The following PDE7B variants were observed in gnomAD, a reference collection of about 807,000 sequenced individuals.
PDE7B encodes 3',5'-cyclic-AMP phosphodiesterase 7B.
In PDE7B, 29 loss-of-function variants were observed where a neutral mutation model predicts 56.2. The ratio of observed to expected loss-of-function variants is 0.52; its 90% CI spans 0.38 to 0.70. PDE7B has a LOEUF of 0.70. Ranked by LOEUF, PDE7B falls within the 30% of genes least tolerant of loss-of-function variation. The probability of loss-of-function intolerance (pLI) is 0.00; values close to 1 mark genes in which losing one functional copy is unlikely to be tolerated. For missense variants in PDE7B, 490 were observed against 565.0 expected (o/e 0.87, Z 1.35); for synonymous variants, 197 against 196.9 (o/e 1.00, Z 0.00).
Position 136,147,354 on chromosome 6 carries a change from C to G in PDE7B, c.170C>G (p.Thr57Arg), listed in dbSNP as rs779658500. ...TTGACTTGATGACTTTCCACAGGTA[C>G]AACATACTCAGGGGAGATTGGCACC... Reference protein sequence around the residue: ...PFIDFRLLNSTTYSGEIGTKK... With the variant: ...PFIDFRLLNSRTYSGEIGTKK... Residue 57 changes from threonine to arginine, a missense_variant, in exon 4 of 13, where the codon ACA becomes AGA. Thr to Arg is a moderately conservative substitution (Grantham distance 71, BLOSUM62 -1). Coordinates refer to ENST00000308191, the MANE Select transcript of PDE7B (RefSeq NM_018945.4). 1 of 1,608,976 alleles carries G rather than the reference C, an allele frequency of 6.2e-7. No homozygotes were observed. Among genetic ancestry groups the G allele is most frequent in the South Asian group, 1.1e-5 (1 of 90,532 alleles).
intron 5 of PDE7B, among the ~76,000 whole-genome samples, chr6:136,150,562 C>T (rs1194989381): frequency 6.6e-6 from 1 of 152,156 alleles, no homozygotes; most frequent in Non-Finnish European, 1.5e-5. Flanking sequence ...TTCCATTGGC[C>T]TCATTGTCTG....
chr6:135,853,634 G>A (rs1445552303), intron 1 of PDE7B, among the ~76,000 whole-genome samples: 5 of 152,152 alleles, frequency 3.3e-5, no homozygotes, highest in Non-Finnish European at 5.9e-5. Context: ...ACCTGACACT[G>A]TAAGCTGTCT....
At chr6:136,189,253 C>A (rs1779185812) in intron 12 of PDE7B, among the ~76,000 whole-genome samples, 1 of 152,132 alleles carries the variant, frequency 6.6e-6, no homozygotes. Flanking sequence ...CTCTCTCTAC[C>A]AAATTCTACA....
At chr6:136,028,800 G>C (rs1238613735) in intron 2 of PDE7B, among the ~76,000 whole-genome samples, 1 of 152,222 alleles carries the variant, frequency 6.6e-6, no homozygotes, top group Non-Finnish European at 1.5e-5. Flanking sequence ...TGGCTGATTA[G>C]CAACCTTAAC....
intron 5 of PDE7B, 113 bp from the exon 6 acceptor site, chr6:136,151,047 G>A (rs80045350): frequency 6.6e-6 from 4 of 608,048 alleles, no homozygotes; most frequent in East Asian, 2.7e-5. Flanking sequence ...TTCTAAAGGG[G>A]AAAAAATATT....
At chr6:135,888,664 AAAT>A (rs1775754027) in intron 1 of PDE7B, among the ~76,000 whole-genome samples, 1 of 151,614 alleles carries the variant, frequency 6.6e-6, no homozygotes, top group Non-Finnish European at 1.5e-5. Context: ...ATATTATAAA[AAAT>A]AAGTAGTATA....
At chr6:135,986,932 C>T (rs1057429764) in intron 2 of PDE7B, among the ~76,000 whole-genome samples, 11 of 152,112 alleles carry the variant, frequency 7.2e-5, no homozygotes, top group African/African-American at 2.7e-4. Flanking sequence ...GAAGGGAAGA[C>T]CTGATTGTTG....
intron 2 of PDE7B, among the ~76,000 whole-genome samples, chr6:136,061,796 A>T (rs1401159632): frequency 1.3e-5 from 2 of 152,226 alleles, no homozygotes; most frequent in Admixed American, 1.3e-4. Flanking sequence ...GTGCAAGTGG[A>T]GATTGAGAAT....
chr6:136,165,321 C>A (rs1392934834), intron 8 of PDE7B, among the ~76,000 whole-genome samples: 1 of 152,086 alleles, frequency 6.6e-6, no homozygotes. Context: ...TAAGGAGATT[C>A]TCCTCACTCT....
At chr6:136,126,005 T>TA (rs1467269777) in intron 3 of PDE7B, among the ~76,000 whole-genome samples, 1 of 152,212 alleles carries the variant, frequency 6.6e-6, no homozygotes, top group Non-Finnish European at 1.5e-5. Flanking sequence ...CCCTAGCTTT[T>TA]AATACACAAG....
chr6:135,997,719 A>T (rs1482651522), intron 2 of PDE7B, among the ~76,000 whole-genome samples: 2 of 152,184 alleles, frequency 1.3e-5, no homozygotes, highest in Non-Finnish European at 2.9e-5. Flanking sequence ...AGTTTTTAAG[A>T]AAAGGAGAAC....
Position 135,935,190 on chromosome 6 carries a change from T to TTTTATATATATATATATTTTTATATATA in PDE7B, c.22-12273_22-12272insTTATATATATATATATTTTTATATATAT, listed in dbSNP as rs1436649469. On this transcript the variant is annotated intron_variant, in intron 1 of 12. Transcript: ENST00000308191. ...GAGAATTTTATATATATATATTTATTTATATATATATATATATATATATAT... is the reference window on the plus strand; with the variant it reads ...GAGAATTTTATATATATATATTTATTTTTATATATATATATATTTTTATATATATATATATATATATATATATATATAT... Among the ~76,000 whole-genome samples the TTTTATATATATATATATTTTTATATATA allele has an allele frequency of 1.1e-4, 4 of 36,188 alleles. 1 individual carries two copies. Among genetic ancestry groups the TTTTATATATATATATATTTTTATATATA allele is most frequent in the East Asian group, 1.3e-3 (1 of 748 alleles). The allele number at this position is 36,188 out of a possible 152,430, so 23.7% of individuals were successfully genotyped here. A position where few individuals can be genotyped will look rare whatever the true frequency, so the allele number is the denominator to read the frequency against.
intron 3 of PDE7B, among the ~76,000 whole-genome samples, chr6:136,122,286 C>T (rs1777950144): frequency 6.6e-6 from 1 of 152,212 alleles, no homozygotes; most frequent in South Asian, 2.1e-4. Context: ...TGAGCCACCA[C>T]GCCCAGCTAT....
intron 1 of PDE7B, among the ~76,000 whole-genome samples, chr6:135,908,500 C>T (rs1776156219): frequency 6.6e-6 from 1 of 151,812 alleles, no homozygotes; most frequent in Admixed American, 6.6e-5. Context: ...CCTAAAGAAA[C>T]ATTTACATGT....
Position 136,075,933 on chromosome 6 carries a change from GT to G in PDE7B, c.83-32794del, listed in dbSNP as rs1777121762. ...TTCTACATCTTTGCAGGGATGACAT[GT>G]TTTGTCTCCATTTTTTATACGGCAG... On this transcript the variant is annotated intron_variant, in intron 2 of 12. Transcript: ENST00000308191. Among the ~76,000 whole-genome samples, 3 of 152,214 alleles carry G rather than the reference GT, an allele frequency of 2.0e-5. No homozygotes were observed. The South Asian group carries it at 6.2e-4, about 32-fold the overall frequency.
chr6:135,910,040 T>C (rs1389299278), intron 1 of PDE7B, among the ~76,000 whole-genome samples: 8 of 152,230 alleles, frequency 5.3e-5, no homozygotes, highest in African/African-American at 7.2e-5. Flanking sequence ...TGTATTGCTT[T>C]TGTAGTGTCT....
chr6:135,983,125 G>A (rs900093484), intron 2 of PDE7B, among the ~76,000 whole-genome samples: 2 of 152,146 alleles, frequency 1.3e-5, no homozygotes, highest in African/African-American at 4.8e-5. Flanking sequence ...AATCTCTAAT[G>A]AGGGAATTTC....
chr6:136,016,340 T>C (rs1249271121), intron 2 of PDE7B, among the ~76,000 whole-genome samples: 1 of 152,222 alleles, frequency 6.6e-6, no homozygotes, highest in Non-Finnish European at 1.5e-5. Context: ...ATTTGAATAT[T>C]GTGTGTGGAC....
chr6:136,117,083 A>G (rs1777845196), intron 3 of PDE7B: 1 of 152,240 alleles, frequency 6.6e-6, no homozygotes, highest in African/African-American at 2.4e-5. Context: ...AACACAGCAC[A>G]GAGAAATGGC....
Sources: gnomAD v4.1 joint callset for allele counts (sites outside exome capture counted in the v4.1 genomes callset) on GRCh38, gnomAD v4.1.1 for gene constraint, MANE v1.5 for transcripts, NCBI Gene and HGNC (gene_info 2026-07-23, HGNC 2026-07-21) for gene names.